Variants in AGMO observed in about 807,000 individuals in gnomAD.
AGMO encodes alkylglycerol monooxygenase.
Under a neutral mutation model 60.2 loss-of-function variants are expected in AGMO, and 75 were observed. The ratio of observed to expected loss-of-function variants is 1.25; its 90% CI spans 1.03 to 1.51. The LOEUF (loss-of-function observed/expected upper bound fraction) is 1.51. AGMO is among the 40% of genes most tolerant of loss of function. The pLI is 0.00. For synonymous variants in AGMO, 261 were observed against 177.1 expected (o/e 1.47, Z -3.76); for missense variants, 763 against 525.5 (o/e 1.45, Z -4.42).
intron 12 of AGMO, among the ~76,000 whole-genome samples, chr7:15,361,784 T>A (rs921346722): frequency 6.6e-6 from 1 of 152,066 alleles, no homozygotes; most frequent in African/African-American, 2.4e-5. Flanking sequence ...ACTATAAATT[T>A]GATAGGCACA....
chr7:15,270,036 T>C (rs1471740069), intron 12 of AGMO, among the ~76,000 whole-genome samples: 1 of 152,096 alleles, frequency 6.6e-6, no homozygotes, highest in Admixed American at 6.6e-5. Flanking sequence ...GTTAATTCTA[T>C]GATTTTATTA....
intron 12 of AGMO, among the ~76,000 whole-genome samples, chr7:15,269,572 G>A (rs1406990599): frequency 6.6e-6 from 1 of 152,036 alleles, no homozygotes; most frequent in East Asian, 1.9e-4. Flanking sequence ...AGGTCCATAG[G>A]ATAGGTGGTG....
chr7:15,494,399 A>G (rs1410758614), intron 3 of AGMO, among the ~76,000 whole-genome samples: 1 of 152,234 alleles, frequency 6.6e-6, no homozygotes, highest in Non-Finnish European at 1.5e-5. Context: ...CTTTAAAATT[A>G]ATGCACTCTA....
chr7:15,231,499 C>T (rs1471371618), intron 12 of AGMO, among the ~76,000 whole-genome samples: 4 of 152,068 alleles, frequency 2.6e-5, no homozygotes, highest in Middle Eastern at 3.2e-3. Flanking sequence ...GCAAATTTTG[C>T]GTTATATTTT....
chr7:15,531,054 T>A lies in AGMO; in HGVS notation c.409+13718A>T, dbSNP rs1161115176. ...ATATATATTCTATATATATTCTATA[T>A]ATATTCTGTATATATTCTATATATA... On this transcript the variant is annotated intron_variant, in intron 3 of 12. Coordinates refer to ENST00000342526, the MANE Select transcript of AGMO (RefSeq NM_001004320.2). Among the ~76,000 whole-genome samples, 3 of 110,894 alleles carry A rather than the reference T, an allele frequency of 2.7e-5. 1 individual carries two copies. The highest frequency in any genetic ancestry group is 5.1e-5 in the Non-Finnish European group (3 of 58,446). The allele number at this position is 110,894 out of a possible 152,430, so 72.8% of individuals were successfully genotyped here.
At chr7:15,506,407 C>G (rs1783513254) in intron 3 of AGMO, among the ~76,000 whole-genome samples, 1 of 152,022 alleles carries the variant, frequency 6.6e-6, no homozygotes, top group Non-Finnish European at 1.5e-5. Flanking sequence ...TGCTCATAAA[C>G]AGTACAGCAC....
the AGMO span, among the ~76,000 whole-genome samples, chr7:15,117,250 T>G: frequency 1.3e-5 from 2 of 151,964 alleles, no homozygotes; most frequent in African/African-American, 4.8e-5. Context: ...GAAATCAGAT[T>G]AGCGGTTTCC....
In AGMO at chr7:15,384,989, T is replaced by A. The variant is rs141814450; in HGVS notation, c.1074+457A>T. Among the ~76,000 whole-genome samples the A allele has an allele frequency of 2.6e-4, 40 of 152,130 alleles. No homozygotes were observed. In the East Asian group the frequency reaches 6.2e-3, roughly 24 times the overall value. The stretch of plus-strand genomic sequence containing the variant: ...TGCTCTTCTATTTGCACCAGACAAA[T>A]TGGAATATTCTGAATGTTTCAGAAA... On this transcript the variant is annotated intron_variant, in intron 10 of 12. Transcript: ENST00000342526.
At chr7:15,437,162 A>T (rs1781425652) in intron 3 of AGMO, among the ~76,000 whole-genome samples, 1 of 152,218 alleles carries the variant, frequency 6.6e-6, no homozygotes, top group African/African-American at 2.4e-5. Flanking sequence ...CATGAATAAC[A>T]ATAAATATAC....
the AGMO span, among the ~76,000 whole-genome samples, chr7:15,128,227 G>A: frequency 6.6e-6 from 1 of 152,008 alleles, no homozygotes; most frequent in Non-Finnish European, 1.5e-5. Context: ...TAATAGACGT[G>A]CTTGGTTTCC....
At chr7:15,521,682 T>C (rs1783992263) in intron 3 of AGMO, among the ~76,000 whole-genome samples, 1 of 152,182 alleles carries the variant, frequency 6.6e-6, no homozygotes, top group Non-Finnish European at 1.5e-5. Flanking sequence ...AAACTAGGTA[T>C]TGATACAACG....
the AGMO span, among the ~76,000 whole-genome samples, chr7:15,184,940 G>C: frequency 6.6e-6 from 1 of 151,264 alleles, no homozygotes; most frequent in Non-Finnish European, 1.5e-5. Context: ...GAAGGAAGGA[G>C]AAATGAAAGA....
At chr7:15,479,568 GT>G (rs200999668) in intron 3 of AGMO, among the ~76,000 whole-genome samples, 5 of 151,718 alleles carry the variant, frequency 3.3e-5, no homozygotes, top group African/African-American at 9.7e-5. Flanking sequence ...GATCATCATG[GT>G]TTTTTTTCAT....
At chr7:15,532,767 G>A (rs1157653318) in intron 3 of AGMO, among the ~76,000 whole-genome samples, 2 of 152,066 alleles carry the variant, frequency 1.3e-5, no homozygotes, top group Non-Finnish European at 2.9e-5. Context: ...GAGGTGAGAG[G>A]ATGTCTTAAG....
chr7:15,347,714 C>G (rs1185379260), intron 12 of AGMO, among the ~76,000 whole-genome samples: 1 of 151,852 alleles, frequency 6.6e-6, no homozygotes, highest in Non-Finnish European at 1.5e-5. Flanking sequence ...TGTTGGTAAA[C>G]TATAAAATTT....
chr7:15,381,934 T>C (rs553930940), intron 10 of AGMO, among the ~76,000 whole-genome samples: 5 of 152,102 alleles, frequency 3.3e-5, no homozygotes, highest in South Asian at 2.1e-4. Context: ...GAAAACCAAA[T>C]ACTGCATGTT....
At chr7:15,543,046 C>T (rs1269136766) in intron 3 of AGMO, among the ~76,000 whole-genome samples, 1 of 152,126 alleles carries the variant, frequency 6.6e-6, no homozygotes, top group Non-Finnish European at 1.5e-5. Context: ...TTTGGTCACA[C>T]TCACTCCTAC....
intron 9 of AGMO, among the ~76,000 whole-genome samples, chr7:15,386,881 T>C (rs1421658730): frequency 6.6e-6 from 1 of 152,194 alleles, no homozygotes; most frequent in African/African-American, 2.4e-5. Context: ...ATCTTTTTTA[T>C]TTTTGGTTTT....
the AGMO span, among the ~76,000 whole-genome samples, chr7:15,151,806 G>T: frequency 6.6e-6 from 1 of 152,126 alleles, no homozygotes; most frequent in Non-Finnish European, 1.5e-5. Flanking sequence ...GTATTCTGCA[G>T]ATATTTGTTA....
Sources: allele counts gnomAD v4.1 joint callset (sites outside exome capture counted in the v4.1 genomes callset), GRCh38; gene constraint gnomAD v4.1.1; transcripts MANE v1.5; gene names NCBI Gene and HGNC (gene_info 2026-07-23, HGNC 2026-07-21).